Variants in ROBO2 observed in about 807,000 individuals in gnomAD.
ROBO2 encodes roundabout guidance receptor 2, also known as roundabout homolog 2.
A neutral mutation model predicts 160.8 loss-of-function variants in ROBO2; 53 were observed. The ratio of observed to expected loss-of-function variants is 0.33; its 90% confidence interval spans 0.26 to 0.41. The LOEUF (loss-of-function observed/expected upper bound fraction) is 0.41, where lower values mean the gene tolerates loss of function less well. Among genes scored for constraint, ROBO2 ranks in the 10% least tolerant of loss-of-function variants. The pLI, the probability that ROBO2 is intolerant of heterozygous loss-of-function variation, is 1.00. For synonymous variants in ROBO2, 664 were observed against 611.7 expected (o/e 1.09, Z -1.26); for missense variants, 1,577 against 1,722.4 (o/e 0.92, Z 1.49).
At chr3:77,633,460 T>C (rs993021738) in intron 23 of ROBO2, 1 of 152,222 alleles carries the variant, frequency 6.6e-6, no homozygotes, top group African/African-American at 2.4e-5. Context: ...TTTGTATGTA[T>C]AATTCTTAAC....
chr3:77,306,238 G>T (rs2063082170), intron 2 of ROBO2, among the ~76,000 whole-genome samples: 1 of 151,810 alleles, frequency 6.6e-6, no homozygotes, highest in Admixed American at 6.6e-5. Flanking sequence ...TAAAAATTTT[G>T]AAACATTATT....
In ROBO2 at chr3:76,295,884, G is replaced by A. The variant is rs185489099; in HGVS notation, c.109+358282G>A. ...TTAAAAACTTATAGTTTTCATCACC[G>A]GATTGAGATAGGAGAAGCTAGTATA... On this transcript the variant is annotated intron_variant, in intron 2 of 26. Transcript: ENST00000487694. 3.5e-4 allele frequency among the ~76,000 whole-genome samples: 53 copies of A among 152,122 alleles called. No homozygotes were observed. In the East Asian group the frequency reaches 6.4e-3, roughly 18 times the overall value.
chr3:77,088,392 T>G (rs2069646839), intron 1 of ROBO2, among the ~76,000 whole-genome samples: 1 of 152,198 alleles, frequency 6.6e-6, no homozygotes, highest in Non-Finnish European at 1.5e-5. Context: ...ATTTATTTGT[T>G]ACATTTTATT....
intron 2 of ROBO2, among the ~76,000 whole-genome samples, chr3:77,448,249 G>A (rs1159619980): frequency 6.6e-6 from 1 of 152,074 alleles, no homozygotes; most frequent in Non-Finnish European, 1.5e-5. Context: ...AAGTAGTCTG[G>A]CCTATGACTT....
intron 2 of ROBO2, among the ~76,000 whole-genome samples, chr3:76,669,801 AT>A (rs2092194508): frequency 6.6e-6 from 1 of 152,184 alleles, no homozygotes; most frequent in African/African-American, 2.4e-5. Context: ...TATTAATTTA[AT>A]TAAAACTTTG....
intron 1 of ROBO2, among the ~76,000 whole-genome samples, chr3:75,923,922 G>T (rs1410833229): frequency 6.6e-6 from 1 of 152,076 alleles, no homozygotes; most frequent in Non-Finnish European, 1.5e-5. Context: ...CCTTTATAAA[G>T]TAATATTTTA....
intron 2 of ROBO2, among the ~76,000 whole-genome samples, chr3:77,162,492 G>C (rs551073669): frequency 2.1e-4 from 32 of 152,214 alleles, no homozygotes; most frequent in Middle Eastern, 3.4e-3. Flanking sequence ...ATAAACAACT[G>C]TTTCCGTACG....
intron 21 of ROBO2, among the ~76,000 whole-genome samples, chr3:77,610,129 G>T (rs12636621): frequency 1.3e-5 from 2 of 150,900 alleles, no homozygotes; most frequent in Admixed American, 6.6e-5. Context: ...TTTTCTAATC[G>T]GTAAACCATA....
At chr3:77,443,141 G>A (rs1376015162) in intron 2 of ROBO2, among the ~76,000 whole-genome samples, 1 of 152,178 alleles carries the variant, frequency 6.6e-6, no homozygotes, top group Non-Finnish European at 1.5e-5. Context: ...AACAATGAAT[G>A]TAAAATCAAA....
At position 77,360,260 on chromosome 3, in the gene ROBO2, C is replaced by CG. The variant is rs1042675239; in HGVS notation, c.389-117154_389-117153insG. Among the ~76,000 whole-genome samples, 10 of 151,216 alleles carry CG rather than the reference C, an allele frequency of 6.6e-5. 1 individual carries two copies. Among genetic ancestry groups the CG allele is most frequent in the East Asian group, 6.0e-4 (3 of 5,014 alleles). ...AGTTAGAATGTAATGCAACCCCCCCCCCAAATTTAGAAGCCCAGGAGGGAT... is the reference window on the plus strand; with the variant it reads ...AGTTAGAATGTAATGCAACCCCCCCCGCCAAATTTAGAAGCCCAGGAGGGAT... On this transcript the variant is annotated intron_variant, in intron 2 of 25. Transcript: ENST00000461745.
chr3:77,283,915 G>C (rs1390230004), intron 2 of ROBO2, among the ~76,000 whole-genome samples: 5 of 152,056 alleles, frequency 3.3e-5, no homozygotes, highest in Non-Finnish European at 7.4e-5. Flanking sequence ...AATGCATCTT[G>C]GATCAGATTA....
intron 4 of ROBO2, among the ~76,000 whole-genome samples, chr3:77,485,248 T>C (rs892505988): frequency 1.3e-5 from 2 of 152,132 alleles, no homozygotes; most frequent in Admixed American, 6.6e-5. Context: ...AATGCCTTCA[T>C]TCTCTCCAGA....
chr3:77,024,932 C>T (rs907955548), intron 2 of ROBO2, among the ~76,000 whole-genome samples: 2 of 151,230 alleles, frequency 1.3e-5, no homozygotes, highest in Non-Finnish European at 2.9e-5. Context: ...TTAGCCTGAC[C>T]TTTTTCTGTT....
chr3:76,325,156 T>TA (rs1405276256), intron 2 of ROBO2, among the ~76,000 whole-genome samples: 5 of 152,244 alleles, frequency 3.3e-5, no homozygotes, highest in African/African-American at 1.2e-4. Flanking sequence ...AAGCCTAACT[T>TA]AAAATATTTT....
intron 2 of ROBO2, among the ~76,000 whole-genome samples, chr3:76,305,148 G>T (rs1460501152): frequency 1.3e-5 from 2 of 151,792 alleles, no homozygotes; most frequent in Non-Finnish European, 2.9e-5. Flanking sequence ...AAGCATTTTG[G>T]GAGGCTGAGG....
intron 2 of ROBO2, among the ~76,000 whole-genome samples, chr3:77,426,083 G>A (rs949590298): frequency 1.3e-5 from 2 of 152,080 alleles, no homozygotes; most frequent in African/African-American, 2.4e-5. Flanking sequence ...GGATTGGGAG[G>A]GAGCAAGAAC....
exon 13 of ROBO2, chr3:77,568,322 C>T (rs1273338371): frequency 2.5e-6 from 4 of 1,612,694 alleles, no homozygotes; most frequent in Non-Finnish European, 3.4e-6. Flanking sequence ...GATATCAGCC[C>T]ACCAGCACAA....
intron 1 of ROBO2, among the ~76,000 whole-genome samples, chr3:77,051,311 A>G (rs1157507328): frequency 6.6e-6 from 1 of 152,188 alleles, no homozygotes; most frequent in African/African-American, 2.4e-5. Flanking sequence ...ATTTTGGGCA[A>G]ATATAGCTCT....
At chr3:75,984,898 T>C (rs551972778) in intron 2 of ROBO2, among the ~76,000 whole-genome samples, 3 of 151,570 alleles carry the variant, frequency 2.0e-5, no homozygotes, top group African/African-American at 7.2e-5. Flanking sequence ...ACTGGTTTAT[T>C]TTACAAGCAT....
Sources: gnomAD v4.1 joint callset for allele counts (sites outside exome capture counted in the v4.1 genomes callset) on GRCh38, gnomAD v4.1.1 for gene constraint, MANE v1.5 for transcripts, NCBI Gene and HGNC (gene_info 2026-07-23, HGNC 2026-07-21) for gene names.